Variants in GSN observed in about 807,000 individuals in gnomAD.
GSN encodes gelsolin.
Under a neutral mutation model 85.7 loss-of-function variants are expected in GSN, and 56 were observed. The ratio of observed to expected loss-of-function variants is 0.65; its 90% CI spans 0.53 to 0.82. The LOEUF is 0.82. GSN is among the 40% of genes least tolerant of loss of function. GSN has a pLI of 0.00. For missense variants in GSN, 857 were observed against 979.8 expected, an observed-to-expected ratio of 0.87 and a Z score of 1.67; for synonymous variants, 373 against 399.1, an observed-to-expected ratio of 0.93 and a Z score of 0.78.
At chr9:121,316,016 C>T (rs1485217000) in intron 7 of GSN, among the ~76,000 whole-genome samples, 1 of 152,164 alleles carries the variant, frequency 6.6e-6, no homozygotes, top group Non-Finnish European at 1.5e-5. Context: ...AGTAAGTACT[C>T]AATTCATGTA....
In GSN at chr9:121,310,729, G is replaced by T. The variant is rs368197143; in HGVS notation, c.397G>T (p.Val133Leu). The T allele has an allele frequency of 2.5e-6, 4 of 1,614,066 alleles. No individual in the cohort carries two copies. The African/African-American group carries it at 5.3e-5, about 22-fold the overall frequency. Residue 133 changes from valine (V) to leucine (L), a missense_variant, in exon 5 of 18, where the codon GTG (valine) becomes TTG (leucine). Transcript: ENST00000432226. ...SGFKHVVPNE[V>L]VVQRLFQVKG... ...ATTCAAGCACGTGGTACCCAACGAGGTGGTGGTGCAGAGACTCTTCCAGGT... is the reference window on the plus strand; with the variant it reads ...ATTCAAGCACGTGGTACCCAACGAGTTGGTGGTGCAGAGACTCTTCCAGGT...
chr9:121,212,310 C>T (rs920388101), intron 4 of GSN, among the ~76,000 whole-genome samples: 2 of 152,094 alleles, frequency 1.3e-5, no homozygotes, highest in African/African-American at 2.4e-5. Context: ...CTTGGGCAAG[C>T]ATCTTAATCT....
At chr9:121,289,108 C>T (rs2058426901) in intron 2 of GSN, among the ~76,000 whole-genome samples, 1 of 152,088 alleles carries the variant, frequency 6.6e-6, no homozygotes, top group South Asian at 2.1e-4. Context: ...GTGCCTGGGG[C>T]CCCAGCAAGC....
Position 121,312,641 on chromosome 9 carries a change from T to G in GSN, c.663+153T>G, listed in dbSNP as rs1259775072. ...TTTAAAATACTTTTTTATTTTAATT[T>G]TTGAGACAGGATCTTATTCATTGTT... On this transcript the variant is annotated intron_variant, in intron 6 of 17. Transcript: ENST00000432226. The G allele has an allele frequency of 1.0e-5, 7 of 669,980 alleles. No individual in the cohort carries two copies. In the Admixed American group the frequency reaches 2.2e-4, roughly 21 times the overall value. 41.5% of individuals were successfully genotyped at this position (669,980 alleles called of 1,614,324 possible). A position where few individuals can be genotyped will look rare whatever the true frequency, so the allele number is the denominator to read the frequency against.
intron 1 of GSN, among the ~76,000 whole-genome samples, chr9:121,273,103 G>A (rs1024989142): frequency 7.2e-5 from 11 of 152,166 alleles, no homozygotes; most frequent in African/African-American, 2.4e-4. Context: ...CCCTGAAATT[G>A]ACTCTTCCCA....
In GSN at chr9:121,318,685, C is replaced by A. The variant is rs775670835; in HGVS notation, c.996C>A (p.Gly332=). Residue 332 remains glycine (G), a synonymous_variant, in exon 10 of 18, where the codon GGC becomes GGA. Coordinates refer to ENST00000432226, the MANE Select transcript of GSN (RefSeq NM_198252.3). This position sits in a 1 kb window ranked among gnomAD's most constrained non-coding sequence, Gnocchi z 4.3. ...KQTQVSVLPE[G]GETPLFKQFF... Reference sequence around the variant, plus strand: ...CCCAGGTCTCGGTCCTTCCTGAGGGCGGTGAGACCCCACTGTTCAAGCAGT... The same window carrying A: ...CCCAGGTCTCGGTCCTTCCTGAGGGAGGTGAGACCCCACTGTTCAAGCAGT... The A allele has an allele frequency of 2.5e-5, 41 of 1,612,428 alleles. No homozygotes were observed. Among genetic ancestry groups the A allele is most frequent in the Non-Finnish European group, 3.1e-5 (37 of 1,178,510 alleles).
chr9:121,288,284 C>T (rs1050693825), intron 2 of GSN, among the ~76,000 whole-genome samples: 8 of 152,162 alleles, frequency 5.3e-5, no homozygotes, highest in African/African-American at 1.7e-4. Context: ...GCCCTGTGAC[C>T]TCATGCAAAT....
chr9:121,299,545 TCG>T lies in GSN; in HGVS notation c.-9-2415_-9-2414del. The T allele has an allele frequency of 2.3e-6, 2 of 852,756 alleles. No homozygotes were observed. Among genetic ancestry groups the T allele is most frequent in the Non-Finnish European group, 2.8e-6 (2 of 708,586 alleles). 52.8% of individuals were successfully genotyped at this position (852,756 alleles called of 1,614,324 possible). ...GTTAGGTGCGGAGAGGCGAGGGGGC[TCG>T]CGTGCGTCGCAGGAGGCTCAGCTGG... On this transcript the variant is annotated intron_variant, in intron 2 of 17. Coordinates refer to ENST00000432226, the MANE Select transcript of GSN (RefSeq NM_198252.3). This position sits in a 1 kb window ranked among gnomAD's most constrained non-coding sequence, Gnocchi z 4.2.
chr9:121,299,891 G>T lies in GSN; in HGVS notation c.-9-2072G>T, dbSNP rs1348526584. ...CTCCGCACCGCCCCGCGCCCGCGCTGCTTTGCGCGCTGTCCCTGGCGCTGT... is the reference window on the plus strand; with the variant it reads ...CTCCGCACCGCCCCGCGCCCGCGCTTCTTTGCGCGCTGTCCCTGGCGCTGT... On this transcript the variant is annotated intron_variant, in intron 2 of 17. Coordinates refer to ENST00000432226, the MANE Select transcript of GSN (RefSeq NM_198252.3). This position sits in a 1 kb window ranked among gnomAD's most constrained non-coding sequence, Gnocchi z 4.2. 2 of 1,318,408 alleles carry T rather than the reference G, an allele frequency of 1.5e-6. No homozygotes were observed. The highest frequency in any genetic ancestry group is 2.0e-6 in the Non-Finnish European group (2 of 1,024,890). The allele number at this position is 1,318,408 out of a possible 1,614,324, so 81.7% of individuals were successfully genotyped here. A position where few individuals can be genotyped will look rare whatever the true frequency, so the allele number is the denominator to read the frequency against.
chr9:121,267,559 C>G (rs531947519), upstream of GSN, among the ~76,000 whole-genome samples: 1 of 152,152 alleles, frequency 6.6e-6, no homozygotes, highest in Admixed American at 6.5e-5. Context: ...CAGGACTAGT[C>G]GATGTCTGGG....
chr9:121,313,940 G>A lies in GSN; in HGVS notation c.670G>A (p.Gly224Ser). 6.2e-7 allele frequency: 1 copy of A among 1,613,728 alleles called. No homozygotes were observed. Among genetic ancestry groups the A allele is most frequent in the Non-Finnish European group, 8.5e-7 (1 of 1,179,606 alleles). The part of the protein sequence containing the change: ...TEPEAMLQVL[G>S]PKPALPAGTE... Reference sequence around the variant, plus strand: ...ATCTCTCTATCTCCTACAGGTGCTGGGCCCCAAGCCGGCTCTGCCTGCAGG... The same window carrying A: ...ATCTCTCTATCTCCTACAGGTGCTGAGCCCCAAGCCGGCTCTGCCTGCAGG... The change falls in exon 7 of 18, where the codon GGC becomes AGC. Residue 224 changes from glycine (G) to serine (S), a missense_variant. Coordinates refer to ENST00000432226, the MANE Select transcript of GSN (RefSeq NM_198252.3).
chr9:121,219,173 G>A (rs1215510182), intron 4 of GSN, among the ~76,000 whole-genome samples: 3 of 152,094 alleles, frequency 2.0e-5, no homozygotes, highest in African/African-American at 2.4e-5. Context: ...TGTGTCTGCT[G>A]CTGCTGCGCT....
At chr9:121,294,128 G>C (rs905120289) in intron 2 of GSN, among the ~76,000 whole-genome samples, 2 of 152,174 alleles carry the variant, frequency 1.3e-5, no homozygotes, top group Admixed American at 6.5e-5. Flanking sequence ...GGCTTCTCCT[G>C]CTCATTCTGG....
chr9:121,313,795 A>G, intron 6 of GSN, 139 bp from the exon 7 acceptor site: 1 of 728,978 alleles, frequency 1.4e-6, no homozygotes, highest in Non-Finnish European at 2.5e-6. Context: ...CAGATGCAGG[A>G]TGTGTCTGGA....
At chr9:121,321,485 G>A in intron 11 of GSN, 84 bp downstream of exon 11, 1 of 1,361,208 alleles carries the variant, frequency 7.3e-7, no homozygotes, top group Non-Finnish European at 1.0e-6. Flanking sequence ...AGGGTGTGAG[G>A]GCCTGAGGTG....
chr9:121,329,376 A>T lies in GSN; in HGVS notation c.1965+61A>T. 1 of 1,006,364 alleles carries T rather than the reference A, an allele frequency of 9.9e-7. No individual in the cohort carries two copies. The highest frequency in any genetic ancestry group is 1.6e-6 in the Non-Finnish European group (1 of 625,572). The allele number at this position is 1,006,364 out of a possible 1,614,324, so 62.3% of individuals were successfully genotyped here. On this transcript the variant is annotated intron_variant, in intron 16 of 17. Coordinates refer to ENST00000432226, the MANE Select transcript of GSN (RefSeq NM_198252.3). The surrounding 1 kb of genome is among the most constrained non-coding windows in gnomAD (Gnocchi z 4.6). Reference sequence around the variant, plus strand: ...AGGGAGTGGGAGAAACTAGACTTCCAGTTCTATGATCAGTTGCTAGAAGGA... The same window carrying T: ...AGGGAGTGGGAGAAACTAGACTTCCTGTTCTATGATCAGTTGCTAGAAGGA...
intron 2 of GSN, among the ~76,000 whole-genome samples, chr9:121,297,320 T>C (rs1378965473): frequency 6.6e-6 from 1 of 152,242 alleles, no homozygotes; most frequent in Non-Finnish European, 1.5e-5. Flanking sequence ...ATTCACACAC[T>C]AAGTATACCT....
intron 6 of GSN, among the ~76,000 whole-genome samples, chr9:121,252,801 G>C (rs4837824): frequency 1 from 152,267 of 152,338 alleles, 76,098 homozygotes; most frequent in Middle Eastern, 1. Context: ...TTTCGGGGGG[G>C]CAATTTGTTA....
At chr9:121,235,720 C>T (rs1162051674) in intron 5 of GSN, among the ~76,000 whole-genome samples, 2 of 152,142 alleles carry the variant, frequency 1.3e-5, no homozygotes, top group African/African-American at 4.8e-5. Context: ...TCTTAGAACC[C>T]AGGCCCGGAA....
Sources: allele counts gnomAD v4.1 joint callset (sites outside exome capture counted in the v4.1 genomes callset), GRCh38; gene constraint gnomAD v4.1.1; non-coding constraint Gnocchi (gnomAD v3.1); transcripts MANE v1.5; gene names NCBI Gene and HGNC (gene_info 2026-07-23, HGNC 2026-07-21).